SPATS2: variants seen among roughly 807,000 people sequenced by gnomAD.
The protein encoded by SPATS2 is spermatogenesis associated serine rich 2.
In SPATS2, 38 loss-of-function variants were observed where a neutral mutation model predicts 63.7. That is an observed-to-expected ratio of 0.60 (90% confidence interval 0.46 to 0.78). SPATS2 has a LOEUF of 0.78. SPATS2 is among the 30% of genes least tolerant of loss of function. The pLI is 0.00. For synonymous variants in SPATS2, 207 were observed against 232.9 expected (o/e 0.89, Z 1.01); for missense variants, 588 against 666.2 (o/e 0.88, Z 1.29).
At chr12:49,492,356 G>T (rs961891520) in intron 6 of SPATS2, among the ~76,000 whole-genome samples, 1 of 148,420 alleles carries the variant, frequency 6.7e-6, no homozygotes, top group Admixed American at 6.6e-5. Flanking sequence ...CGTAGGGCGG[G>T]ACTACAGGTG....
intron 2 of SPATS2, among the ~76,000 whole-genome samples, chr12:49,371,507 C>T (rs926692733): frequency 6.6e-6 from 1 of 152,190 alleles, no homozygotes; most frequent in African/African-American, 2.4e-5. Context: ...AATAATGGTG[C>T]TGTGAATTTT....
chr12:49,472,025 C>T (rs1946042340), intron 3 of SPATS2, among the ~76,000 whole-genome samples: 1 of 151,738 alleles, frequency 6.6e-6, no homozygotes, highest in African/African-American at 2.4e-5. Context: ...TTTAGTCCTG[C>T]TTCTTGGGAG....
chr12:49,379,404 A>G (rs1273835437), intron 2 of SPATS2, among the ~76,000 whole-genome samples: 1 of 148,906 alleles, frequency 6.7e-6, no homozygotes, highest in Non-Finnish European at 1.5e-5. Context: ...AAAAATAATT[A>G]GCCGGGCATG....
chr12:49,526,230 C>T lies in SPATS2; in HGVS notation c.1613C>T (p.Ser538Phe), dbSNP rs2138112561. 1.9e-6 allele frequency: 3 copies of T among 1,612,762 alleles called. No homozygotes were observed. Among genetic ancestry groups the T allele is most frequent in the Middle Eastern group, 3.3e-4 (2 of 6,058 alleles). ...KGLPQRKPRT[S>F]QTEAVNS ...CTCCCCCAGCGCAAACCCAGGACCT[C>T]TCAGACTGAAGCCGTGAACTCTTGA... is the stretch of plus-strand genomic sequence containing the variant. Residue 538 changes from serine (S) to phenylalanine (F), a missense_variant, in exon 14 of 14, where the codon TCT (serine) becomes TTT (phenylalanine). Physicochemically the swap from Ser to Phe is radical, Grantham distance 155. Transcript: ENST00000552918.
intron 2 of SPATS2, among the ~76,000 whole-genome samples, chr12:49,415,577 G>T (rs1944876072): frequency 6.6e-6 from 1 of 152,100 alleles, no homozygotes; most frequent in Non-Finnish European, 1.5e-5. Flanking sequence ...TAGTCTGTCA[G>T]TTCATTAATT....
intron 9 of SPATS2, among the ~76,000 whole-genome samples, chr12:49,503,337 G>T (rs1412821580): frequency 2.7e-4 from 35 of 130,670 alleles, no homozygotes; most frequent in Non-Finnish European, 2.9e-4. Flanking sequence ...GCGATAGGGC[G>T]AGACTCCATC....
intron 3 of SPATS2, among the ~76,000 whole-genome samples, chr12:49,467,227 T>G (rs1945937870): frequency 1.3e-5 from 2 of 148,320 alleles, no homozygotes; most frequent in African/African-American, 2.5e-5. Flanking sequence ...TTTTTTTTTT[T>G]TTTTTTTTGT....
At chr12:49,501,607 T>C (rs2137955749) in intron 9 of SPATS2, among the ~76,000 whole-genome samples, 1 of 152,230 alleles carries the variant, frequency 6.6e-6, no homozygotes, top group African/African-American at 2.4e-5. Context: ...AACGGATATT[T>C]GTTTTTTTGT....
At chr12:49,497,723 C>G (rs56014465) in intron 8 of SPATS2, among the ~76,000 whole-genome samples, 8,419 of 152,098 alleles carry the variant, frequency 0.055, 519 homozygotes, top group African/African-American at 0.15. Context: ...AATATTTTCA[C>G]TCCTCTTCAT....
chr12:49,412,258 C>G (rs977413202), intron 2 of SPATS2, among the ~76,000 whole-genome samples: 1 of 151,920 alleles, frequency 6.6e-6, no homozygotes, highest in Admixed American at 6.6e-5. Flanking sequence ...GCAGTGGCGC[C>G]GTCTTGGCTC....
upstream of SPATS2, chr12:49,367,373 C>T (rs1212498105): frequency 1.3e-5 from 5 of 393,894 alleles, no homozygotes; most frequent in African/African-American, 2.1e-5. Flanking sequence ...CCGGCAGCAT[C>T]CTGCAGTCCG....
chr12:49,495,824 A>G (rs1372544794), intron 7 of SPATS2, among the ~76,000 whole-genome samples: 2 of 152,216 alleles, frequency 1.3e-5, no homozygotes, highest in Admixed American at 6.5e-5. Context: ...TTAAGACCCA[A>G]CATAGTGAGA....
intron 7 of SPATS2, among the ~76,000 whole-genome samples, 196 bp downstream of exon 7, chr12:49,495,198 A>T (rs1946445148): frequency 6.6e-6 from 1 of 151,994 alleles, no homozygotes; most frequent in African/African-American, 2.4e-5. Flanking sequence ...AAAAAAATAC[A>T]ATTCTTTTTT....
At chr12:49,484,297 G>C (rs535700324) in intron 3 of SPATS2, among the ~76,000 whole-genome samples, 1 of 152,138 alleles carries the variant, frequency 6.6e-6, no homozygotes, top group Non-Finnish European at 1.5e-5. Context: ...TTTTTAGAAG[G>C]CCTTAAGGTG....
chr12:49,483,652 A>G (rs1028535165), intron 3 of SPATS2, among the ~76,000 whole-genome samples: 23 of 152,364 alleles, frequency 1.5e-4, no homozygotes, highest in African/African-American at 4.6e-4. Flanking sequence ...TGGAAAGTGT[A>G]CTAGAGTATT....
At chr12:49,462,572 G>A (rs1046785236) in intron 3 of SPATS2, 15 of 633,222 alleles carry the variant, frequency 2.4e-5, no homozygotes, top group East Asian at 1.1e-4. Context: ...ATCTGCACTC[G>A]TGGCTCCTGA....
In SPATS2 at chr12:49,489,454, ATCT is replaced by A; in HGVS notation, c.106-9_106-7del. ...AATGTTAGAATTAAATGACCCTGTCATCTTTTCCAGATAAATGCGGTACGTGCA... is the reference window on the plus strand; with the variant it reads ...AATGTTAGAATTAAATGACCCTGTCATTTCCAGATAAATGCGGTACGTGCA... On this transcript the variant is annotated splice_region_variant and splice_polypyrimidine_tract_variant and intron_variant, in intron 4 of 13. Transcript: ENST00000552918. 6.2e-7 allele frequency: 1 copy of A among 1,611,570 alleles called. No homozygotes were observed. Among genetic ancestry groups the A allele is most frequent in the South Asian group, 1.1e-5 (1 of 90,802 alleles).
At chr12:49,451,944 T>G (rs1945630368) in intron 2 of SPATS2, among the ~76,000 whole-genome samples, 1 of 152,258 alleles carries the variant, frequency 6.6e-6, no homozygotes, top group African/African-American at 2.4e-5. Flanking sequence ...CCTTCTGGCT[T>G]CTTTTGCTTC....
chr12:49,484,990 A>G (rs1457108259), intron 4 of SPATS2, among the ~76,000 whole-genome samples: 2 of 152,082 alleles, frequency 1.3e-5, no homozygotes, highest in South Asian at 2.1e-4. Flanking sequence ...TTAAGGAACA[A>G]TCGAATAGGA....
Sources: allele counts gnomAD v4.1 joint callset (sites outside exome capture counted in the v4.1 genomes callset), GRCh38; gene constraint gnomAD v4.1.1; transcripts MANE v1.5; gene names NCBI Gene and HGNC (gene_info 2026-07-23, HGNC 2026-07-21).